NEXMIF: variants seen among roughly 807,000 people sequenced by gnomAD.
NEXMIF encodes neurite extension and migration factor, also known as XLMR protein related to neurite extension.
Under a neutral mutation model 62.1 loss-of-function variants are expected in NEXMIF, and 8 were observed. The ratio of observed to expected loss-of-function variants is 0.13; its 90% confidence interval spans 0.08 to 0.23. The LOEUF (loss-of-function observed/expected upper bound fraction) is 0.23. Among genes scored for constraint, NEXMIF ranks in the 10% least tolerant of loss-of-function variants. The pLI, the probability that NEXMIF is intolerant of heterozygous loss-of-function variation, is 1.00. For synonymous variants in NEXMIF, 404 were observed against 416.6 expected (o/e 0.97, Z 0.37); for missense variants, 976 against 1,113.3 (o/e 0.88, Z 1.75).
chrX:74,883,353 AAAG>A (rs1397184673), intron 1 of NEXMIF, among the ~76,000 whole-genome samples: 1 of 111,552 alleles, frequency 9.0e-6, no homozygotes, highest in Admixed American at 9.6e-5. Context: ...ACTCCGAGCT[AAAG>A]AAGGAAGTTC....
intron 1 of NEXMIF, among the ~76,000 whole-genome samples, chrX:74,881,392 GCACACACACACACACACACACACA>G (rs367805528): frequency 5.6e-5 from 5 of 88,576 alleles, no homozygotes; most frequent in Admixed American, 5.4e-4. Flanking sequence ...ACATACACAT[GCACACACACACACACACACACACA>G]CACACACAGA....
intron 1 of NEXMIF, among the ~76,000 whole-genome samples, chrX:74,759,006 T>A (rs1311932902): frequency 8.9e-6 from 1 of 112,478 alleles, no homozygotes; most frequent in Non-Finnish European, 1.9e-5. Context: ...CAAATTAATT[T>A]ACCCTCCCAC....
intron 1 of NEXMIF, among the ~76,000 whole-genome samples, chrX:74,800,494 A>G (rs1276975562): frequency 1.8e-5 from 2 of 110,880 alleles, no homozygotes; most frequent in Non-Finnish European, 3.8e-5. Context: ...AGACACATGC[A>G]GTGGGATAAT....
At chrX:74,902,338 A>T (rs973565768) in intron 1 of NEXMIF, among the ~76,000 whole-genome samples, 2 of 109,418 alleles carry the variant, frequency 1.8e-5, no homozygotes, top group Non-Finnish European at 3.8e-5. Context: ...TGATGCATGT[A>T]TGTTTATGTG....
intron 2 of NEXMIF, 81 bp downstream of exon 2, chrX:74,745,491 C>A: frequency 1.4e-6 from 1 of 699,485 alleles, no homozygotes; most frequent in Non-Finnish European, 2.3e-6. Flanking sequence ...CCTGTCCCAA[C>A]TTTGTGGGTA....
chrX:74,803,274 G>A (rs918055448), intron 1 of NEXMIF, among the ~76,000 whole-genome samples: 2 of 112,096 alleles, frequency 1.8e-5, no homozygotes, highest in South Asian at 3.7e-4. Flanking sequence ...TAATCAAACT[G>A]TGGGCCGGGC....
intron 1 of NEXMIF, among the ~76,000 whole-genome samples, chrX:74,886,562 A>G (rs1285266289): frequency 5.4e-5 from 6 of 111,512 alleles, no homozygotes; most frequent in Admixed American, 1.9e-4. Context: ...GCTTCAAAGA[A>G]AATGAAATAC....
At chrX:74,881,068 A>T (rs1433136286) in intron 1 of NEXMIF, among the ~76,000 whole-genome samples, 1 of 111,828 alleles carries the variant, frequency 8.9e-6, no homozygotes, top group Non-Finnish European at 1.9e-5. Context: ...CGCCAGATGT[A>T]TGCCCTAAAA....
At chrX:74,775,680 C>T (rs187863333) in intron 1 of NEXMIF, among the ~76,000 whole-genome samples, 1 of 111,529 alleles carries the variant, frequency 9.0e-6, no homozygotes, top group East Asian at 2.8e-4. Context: ...CTACTTCTTA[C>T]CCCTAATCTC....
intron 1 of NEXMIF, among the ~76,000 whole-genome samples, chrX:74,890,022 CTCTCTCTGCCCCTCTT>C (rs951747242): frequency 3.7e-5 from 4 of 109,119 alleles, no homozygotes; most frequent in Non-Finnish European, 5.7e-5. Flanking sequence ...CTCTCTCTCT[CTCTCTCTGCCCCTCTT>C]TCTCTCTACC....
At chrX:74,881,685 G>GCCTCTACCCAT (rs1569361842) in intron 1 of NEXMIF, among the ~76,000 whole-genome samples, 2 of 112,175 alleles carry the variant, frequency 1.8e-5, no homozygotes, top group African/African-American at 6.5e-5. Context: ...ATTGCCAAAT[G>GCCTCTACCCAT]TCCTAAATGG....
At chrX:74,760,749 G>A (rs909534772) in intron 1 of NEXMIF, among the ~76,000 whole-genome samples, 3 of 111,383 alleles carry the variant, frequency 2.7e-5, no homozygotes, top group African/African-American at 9.8e-5. Flanking sequence ...GTTGATCATG[G>A]TGTATTAGCT....
At chrX:74,843,976 G>A (rs1271425026) in intron 1 of NEXMIF, among the ~76,000 whole-genome samples, 4 of 112,026 alleles carry the variant, frequency 3.6e-5, no homozygotes, top group Admixed American at 9.4e-5. Flanking sequence ...GGCAGGTCTG[G>A]TGTTAATGAA....
At chrX:74,834,547 T>C (rs1350209909) in intron 1 of NEXMIF, among the ~76,000 whole-genome samples, 2 of 111,833 alleles carry the variant, frequency 1.8e-5, no homozygotes, top group Admixed American at 9.5e-5. Flanking sequence ...TTCTGCTTCA[T>C]GCTTGAAGGA....
intron 1 of NEXMIF, among the ~76,000 whole-genome samples, chrX:74,760,098 T>C (rs932283320): frequency 9.0e-6 from 1 of 111,608 alleles, no homozygotes; most frequent in Non-Finnish European, 1.9e-5. Context: ...AGTGTAGAGA[T>C]CGTTGACCTC....
At chrX:74,798,986 G>A (rs1352542500) in intron 1 of NEXMIF, among the ~76,000 whole-genome samples, 10 of 109,969 alleles carry the variant, frequency 9.1e-5, no homozygotes, top group African/African-American at 3.3e-4. Flanking sequence ...AAAGATGACA[G>A]TGAAACAAGG....
intron 1 of NEXMIF, among the ~76,000 whole-genome samples, chrX:74,811,528 C>G (rs908290637): frequency 8.9e-6 from 1 of 112,572 alleles, no homozygotes; most frequent in African/African-American, 3.2e-5. Context: ...AAACCCAAAT[C>G]CTTTATCAGC....
intron 1 of NEXMIF, among the ~76,000 whole-genome samples, chrX:74,878,060 T>G (rs1163811633): frequency 1.6e-4 from 18 of 109,378 alleles, no homozygotes; most frequent in South Asian, 3.9e-4. Flanking sequence ...AGGAGGAGAG[T>G]CGCTCTGCTT....
At chrX:74,832,481 C>T (rs2080441180) in intron 1 of NEXMIF, among the ~76,000 whole-genome samples, 1 of 110,625 alleles carries the variant, frequency 9.0e-6, no homozygotes, top group South Asian at 3.8e-4. Context: ...TTTATTTGGA[C>T]TTTCTCTCTT....
Sources: gnomAD v4.1 joint callset for allele counts (sites outside exome capture counted in the v4.1 genomes callset) on GRCh38, gnomAD v4.1.1 for gene constraint, MANE v1.5 for transcripts, NCBI Gene and HGNC (gene_info 2026-07-23, HGNC 2026-07-21) for gene names.